Variants in SORCS2 observed in about 807,000 individuals in gnomAD.
The protein encoded by SORCS2 is VPS10 domain-containing receptor SorCS2.
Under a neutral mutation model 141.6 loss-of-function variants are expected in SORCS2, and 100 were observed. The observed-to-expected ratio is 0.71, with a 90% CI of 0.60 to 0.83. The LOEUF (loss-of-function observed/expected upper bound fraction) is 0.83, where lower values mean the gene tolerates loss of function less well. SORCS2 is among the 40% of genes least tolerant of loss of function. The pLI is 0.00. For missense variants in SORCS2, 1,646 were observed against 1,560.2 expected (o/e 1.05, Z -0.93); for synonymous variants, 789 against 676.9 (o/e 1.17, Z -2.57).
At chr4:7,549,479 C>T in intron 3 of SORCS2, among the ~76,000 whole-genome samples, 1 of 152,064 alleles carries the variant, frequency 6.6e-6, no homozygotes, top group Non-Finnish European at 1.5e-5. Context: ...GAGGCCAGGC[C>T]AGGCTACAGG....
chr4:7,650,234 G>A (rs1721345591), intron 4 of SORCS2, among the ~76,000 whole-genome samples: 1 of 152,242 alleles, frequency 6.6e-6, no homozygotes, highest in Non-Finnish European at 1.5e-5. Context: ...GTCTGCACGA[G>A]GTATTGTTAG....
intron 1 of SORCS2, among the ~76,000 whole-genome samples, chr4:7,247,333 T>C (rs1713166676): frequency 6.6e-6 from 1 of 152,080 alleles, no homozygotes; most frequent in Non-Finnish European, 1.5e-5. Flanking sequence ...TATTGGAGGC[T>C]TTACTGTTTC....
At chr4:7,676,016 G>T (rs1188812788) in intron 8 of SORCS2, 34 bp from the exon 9 acceptor site, 4 of 1,554,784 alleles carry the variant, frequency 2.6e-6, no homozygotes, top group Non-Finnish European at 3.5e-6. Flanking sequence ...CCCCAGCCTG[G>T]CTCTGACCCT....
At chr4:7,617,170 C>G (rs1718814414) in intron 3 of SORCS2, among the ~76,000 whole-genome samples, 1 of 152,166 alleles carries the variant, frequency 6.6e-6, no homozygotes, top group Non-Finnish European at 1.5e-5. Context: ...ATCCATCTAT[C>G]CAAGTGCCAT....
chr4:7,414,738 G>C (rs1013537804), intron 2 of SORCS2, among the ~76,000 whole-genome samples: 3 of 152,192 alleles, frequency 2.0e-5, no homozygotes, highest in East Asian at 3.9e-4. Flanking sequence ...CAGGTGCAAG[G>C]TTCTAAATCT....
chr4:7,697,034 C>T (rs888441261), intron 11 of SORCS2, among the ~76,000 whole-genome samples, 164 bp from the exon 12 acceptor site: 1 of 152,200 alleles, frequency 6.6e-6, no homozygotes, highest in South Asian at 2.1e-4. Flanking sequence ...ACTGCATAGA[C>T]CCAGACCCAG....
intron 3 of SORCS2, among the ~76,000 whole-genome samples, chr4:7,586,885 A>G (rs1279779058): frequency 2.6e-5 from 4 of 152,088 alleles, no homozygotes; most frequent in Admixed American, 2.0e-4. Flanking sequence ...GGTGTTGAAG[A>G]CAAGTCCTTT....
chr4:7,542,964 G>C (rs1294896377), intron 3 of SORCS2, among the ~76,000 whole-genome samples: 1 of 152,230 alleles, frequency 6.6e-6, no homozygotes, highest in African/African-American at 2.4e-5. Flanking sequence ...TGACCCACAG[G>C]GCCAGGCCAT....
At chr4:7,266,977 G>T (rs748120443) in intron 1 of SORCS2, among the ~76,000 whole-genome samples, 2 of 152,132 alleles carry the variant, frequency 1.3e-5, no homozygotes, top group Non-Finnish European at 2.9e-5. Context: ...AGTGGGGGGT[G>T]GGGGAGGTGT....
chr4:7,331,978 G>T (rs1719682586), intron 1 of SORCS2, among the ~76,000 whole-genome samples: 2 of 152,202 alleles, frequency 1.3e-5, no homozygotes, highest in Admixed American at 6.5e-5. Flanking sequence ...GCCGTCCTGA[G>T]AGCTGAAGAC....
intron 3 of SORCS2, among the ~76,000 whole-genome samples, chr4:7,575,383 T>G (rs1316165277): frequency 6.6e-6 from 1 of 152,236 alleles, no homozygotes. Flanking sequence ...AGATCTTTTA[T>G]GTCCTTTTTT....
At chr4:7,533,454 C>T (rs895751634) in intron 3 of SORCS2, among the ~76,000 whole-genome samples, 2 of 152,236 alleles carry the variant, frequency 1.3e-5, no homozygotes, top group African/African-American at 4.8e-5. Context: ...CACCTCCTGG[C>T]CCAGCTTCGA....
chr4:7,504,040 T>C (rs1481161541), intron 2 of SORCS2, among the ~76,000 whole-genome samples: 1 of 152,148 alleles, frequency 6.6e-6, no homozygotes, highest in Admixed American at 6.5e-5. Context: ...GCTTGTGCTT[T>C]CCCACCCCTG....
chr4:7,739,828 C>T (rs1406936747), intron 26 of SORCS2, among the ~76,000 whole-genome samples: 3 of 152,284 alleles, frequency 2.0e-5, no homozygotes, highest in Admixed American at 6.5e-5. Flanking sequence ...CCCGGGGCCT[C>T]GCCACTCTAC....
At chr4:7,540,313 C>T (rs1712524065) in intron 3 of SORCS2, among the ~76,000 whole-genome samples, 1 of 151,920 alleles carries the variant, frequency 6.6e-6, no homozygotes, top group South Asian at 2.1e-4. Context: ...CTGAGCTGTG[C>T]ATGATGGTGC....
At chr4:7,325,892 G>A (rs1016375326) in intron 1 of SORCS2, among the ~76,000 whole-genome samples, 15 of 152,162 alleles carry the variant, frequency 9.9e-5, no homozygotes, top group Non-Finnish European at 2.1e-4. Flanking sequence ...ATGCACTGGC[G>A]GGCGGGGCGG....
intron 1 of SORCS2, among the ~76,000 whole-genome samples, chr4:7,250,894 G>A (rs776909012): frequency 2.0e-5 from 3 of 152,240 alleles, no homozygotes; most frequent in Non-Finnish European, 4.4e-5. Context: ...TGCCGGAACC[G>A]CCACGACACC....
intron 3 of SORCS2, among the ~76,000 whole-genome samples, chr4:7,576,272 T>G (rs192297948): frequency 2.6e-5 from 4 of 152,306 alleles, no homozygotes; most frequent in Admixed American, 2.0e-4. Flanking sequence ...GGGTTGGCTG[T>G]GTAAAGTCAA....
chr4:7,216,898 C>T (rs1234049404), intron 1 of SORCS2, among the ~76,000 whole-genome samples: 4 of 152,204 alleles, frequency 2.6e-5, no homozygotes, highest in South Asian at 2.1e-4. Flanking sequence ...GTTCCTCTCC[C>T]GGGGATGCAG....
Sources: gnomAD v4.1 joint callset for allele counts (sites outside exome capture counted in the v4.1 genomes callset) on GRCh38, gnomAD v4.1.1 for gene constraint, MANE v1.5 for transcripts, NCBI Gene and HGNC (gene_info 2026-07-23, HGNC 2026-07-21) for gene names.